The following NBAS variants were observed in gnomAD, a reference collection of about 807,000 sequenced individuals.
NBAS encodes NBAS subunit of NRZ tethering complex, also known as NAG/BC035112 fusion.
NBAS carries 219 observed loss-of-function variants against 302.5 expected under a neutral mutation model. That is an observed-to-expected ratio of 0.72 (90% CI 0.65 to 0.81). The LOEUF (loss-of-function observed/expected upper bound fraction) is 0.81, where lower values mean the gene tolerates loss of function less well. NBAS is among the 30% of genes least tolerant of loss of function. NBAS has a pLI of 0.00. For missense variants in NBAS, 2,932 were observed against 2,841.6 expected (o/e 1.03, Z -0.72); for synonymous variants, 1,118 against 1,021.6 (o/e 1.09, Z -1.80).
intron 48 of NBAS, among the ~76,000 whole-genome samples, chr2:15,212,598 C>T (rs573202147): frequency 6.6e-6 from 1 of 152,108 alleles, no homozygotes; most frequent in Non-Finnish European, 1.5e-5. Flanking sequence ...GTGTCCCCAC[C>T]CAAATCTCAT....
chr2:15,340,371 A>T (rs1040972025), intron 35 of NBAS, among the ~76,000 whole-genome samples: 8 of 152,180 alleles, frequency 5.3e-5, no homozygotes, highest in African/African-American at 1.9e-4. Context: ...GATTTATGGT[A>T]CGAACACCTA....
chr2:15,128,713 A>G, the NBAS span, among the ~76,000 whole-genome samples: 1 of 152,128 alleles, frequency 6.6e-6, no homozygotes, highest in African/African-American at 2.4e-5. Context: ...GCGAATGGGA[A>G]ATAAAGTTGG....
At chr2:14,941,892 G>A in the NBAS span, among the ~76,000 whole-genome samples, 188 of 152,222 alleles carry the variant, frequency 1.2e-3, 2 homozygotes, top group Non-Finnish European at 1.9e-3. Flanking sequence ...AAGAGGGGGA[G>A]GCTCTCTACT....
At chr2:15,237,957 A>G (rs1667678579) in intron 45 of NBAS, among the ~76,000 whole-genome samples, 1 of 151,836 alleles carries the variant, frequency 6.6e-6, no homozygotes, top group Non-Finnish European at 1.5e-5. Flanking sequence ...TTGTATTTTT[A>G]GTAGAGACGG....
the NBAS span, among the ~76,000 whole-genome samples, chr2:15,082,267 T>C: frequency 1.3e-5 from 2 of 152,166 alleles, no homozygotes; most frequent in Non-Finnish European, 2.9e-5. Flanking sequence ...ACAATGCCCA[T>C]GTCATTCATC....
intron 35 of NBAS, among the ~76,000 whole-genome samples, chr2:15,343,966 G>GAA (rs78326538): frequency 0.016 from 1,342 of 85,158 alleles, 15 homozygotes; most frequent in African/African-American, 0.044. Context: ...TCATAAATCT[G>GAA]AAAAAAAAAA....
the NBAS span, among the ~76,000 whole-genome samples, chr2:15,098,457 A>ATTGTATATAATATG: frequency 7.7e-4 from 72 of 93,904 alleles, no homozygotes; most frequent in African/African-American, 1.7e-3. Context: ...TATATTATAT[A>ATTGTATATAATATG]TTATATATTG....
the NBAS span, among the ~76,000 whole-genome samples, chr2:14,791,392 T>C: frequency 6.6e-6 from 1 of 152,166 alleles, no homozygotes; most frequent in Non-Finnish European, 1.5e-5. Flanking sequence ...TCTCCACCAA[T>C]ATCCTTGAAG....
At chr2:15,384,501 C>A (rs549464831) in intron 28 of NBAS, among the ~76,000 whole-genome samples, 7 of 146,302 alleles carry the variant, frequency 4.8e-5, no homozygotes, top group African/African-American at 1.8e-4. Flanking sequence ...TAAAGATTAA[C>A]TTATACTAAA....
the NBAS span, among the ~76,000 whole-genome samples, chr2:14,998,780 TA>T: frequency 1.3e-5 from 2 of 152,160 alleles, no homozygotes; most frequent in African/African-American, 2.4e-5. Flanking sequence ...TTTATGCAAT[TA>T]AAATTTCACT....
chr2:14,839,238 T>C, the NBAS span, among the ~76,000 whole-genome samples: 1 of 151,902 alleles, frequency 6.6e-6, no homozygotes, highest in South Asian at 2.1e-4. Context: ...AAATTAGACT[T>C]CCATATCCAT....
the NBAS span, among the ~76,000 whole-genome samples, chr2:15,074,812 A>C: frequency 6.6e-6 from 1 of 152,212 alleles, no homozygotes; most frequent in Non-Finnish European, 1.5e-5. Context: ...GCCAAGTAAT[A>C]GATCTCAAGC....
intron 9 of NBAS, among the ~76,000 whole-genome samples, chr2:15,524,459 T>C (rs932462055): frequency 6.6e-6 from 1 of 152,188 alleles, no homozygotes; most frequent in Non-Finnish European, 1.5e-5. Context: ...GTTGTAGGCT[T>C]CCAAGGAAGT....
At chr2:15,414,952 G>GA (rs1055419092) in intron 25 of NBAS, among the ~76,000 whole-genome samples, 2 of 151,574 alleles carry the variant, frequency 1.3e-5, no homozygotes, top group Admixed American at 6.6e-5. Context: ...CTCAAAAAAA[G>GA]AAAAAAAAGA....
chr2:14,895,647 G>A, the NBAS span, among the ~76,000 whole-genome samples: 1 of 152,138 alleles, frequency 6.6e-6, no homozygotes, highest in African/African-American at 2.4e-5. Flanking sequence ...GGCTGAGGCA[G>A]GAGAATGGCG....
chr2:15,132,524 C>T, the NBAS span, among the ~76,000 whole-genome samples: 2 of 152,108 alleles, frequency 1.3e-5, no homozygotes, highest in African/African-American at 4.8e-5. Context: ...TACATTTGCA[C>T]AAATCCATAC....
rs772114231 is a variant in NBAS at position 15,474,149 on chromosome 2, C to G, written c.1517G>C (p.Arg506Pro). The part of the protein sequence containing the change: ...VTEMERFAPP[R>P]KRPRTITKNY... ...TTTAGTAATGGTTCGTGGGCGTTTC[C>G]GTGGTGGTGCAAATCGCTCCATTTC... Residue 506 changes from arginine (R) to proline (P), a missense_variant, in exon 15 of 52, where the codon CGG becomes CCG. Coordinates refer to ENST00000281513, the MANE Select transcript of NBAS (RefSeq NM_015909.4). 6.2e-7 allele frequency: 1 copy of G among 1,614,104 alleles called. No individual in the cohort carries two copies.
chr2:15,058,673 G>C, the NBAS span, among the ~76,000 whole-genome samples: 1 of 152,154 alleles, frequency 6.6e-6, no homozygotes, highest in African/African-American at 2.4e-5. Flanking sequence ...AAATGGCATG[G>C]GGTAATAGAA....
At chr2:15,175,542 T>C (rs935685742) in intron 51 of NBAS, among the ~76,000 whole-genome samples, 2 of 152,214 alleles carry the variant, frequency 1.3e-5, no homozygotes, top group African/African-American at 2.4e-5. Context: ...ATCAGCAGCA[T>C]TGCCCATCTT....
Sources: allele counts gnomAD v4.1 joint callset (sites outside exome capture counted in the v4.1 genomes callset), GRCh38; gene constraint gnomAD v4.1.1; transcripts MANE v1.5; gene names NCBI Gene and HGNC (gene_info 2026-07-23, HGNC 2026-07-21).